Variants in ULK4 observed in about 807,000 individuals in gnomAD.
The protein encoded by ULK4 is inactive serine/threonine-protein kinase ULK4.
A neutral mutation model predicts 160.6 loss-of-function variants in ULK4; 133 were observed. That is an observed-to-expected ratio of 0.83 (90% confidence interval 0.72 to 0.96). The LOEUF is 0.96. Ranked by LOEUF, ULK4 falls within the 40% of genes least tolerant of loss-of-function variation. The pLI is 0.00. For missense variants in ULK4, 1,580 were observed against 1,499.5 expected (o/e 1.05, Z -0.89); for synonymous variants, 534 against 539.8 (o/e 0.99, Z 0.15).
chr3:41,306,619 C>T (rs1200915201), intron 35 of ULK4, among the ~76,000 whole-genome samples: 7 of 151,914 alleles, frequency 4.6e-5, no homozygotes, highest in Non-Finnish European at 1.0e-4. Context: ...AGCCCCTCTG[C>T]CCGGCCACCA....
At chr3:41,406,318 T>C (rs1024693247) in intron 34 of ULK4, among the ~76,000 whole-genome samples, 3 of 152,242 alleles carry the variant, frequency 2.0e-5, no homozygotes, top group Admixed American at 2.0e-4. Context: ...TTCTGTTTCA[T>C]TGGTCTATGT....
At chr3:41,558,324 G>A (rs1327380664) in intron 32 of ULK4, among the ~76,000 whole-genome samples, 3 of 152,070 alleles carry the variant, frequency 2.0e-5, no homozygotes, top group African/African-American at 7.2e-5. Context: ...CAAAACTGTT[G>A]GCAATATTTA....
At chr3:41,960,292 G>A (rs571667158) in intron 1 of ULK4, among the ~76,000 whole-genome samples, 1 of 152,072 alleles carries the variant, frequency 6.6e-6, no homozygotes, top group East Asian at 1.9e-4. Context: ...TAGATAGGGT[G>A]GTTTGTTACT....
chr3:41,774,293 A>G (rs1244556165), intron 21 of ULK4, among the ~76,000 whole-genome samples: 8 of 150,296 alleles, frequency 5.3e-5, no homozygotes, highest in East Asian at 3.9e-4. Flanking sequence ...GCAACCTACA[A>G]AATGGGAGAA....
intron 17 of ULK4, among the ~76,000 whole-genome samples, chr3:41,867,035 A>G (rs1159089311): frequency 6.6e-6 from 1 of 152,222 alleles, no homozygotes; most frequent in Non-Finnish European, 1.5e-5. Flanking sequence ...CAATTTATCA[A>G]TATGAACTAT....
rs531038118 is a variant in ULK4, at chr3:41,824,546, G to A, written c.1765-5040C>T. On this transcript the variant is annotated intron_variant, in intron 18 of 36. Coordinates refer to ENST00000301831, the MANE Select transcript of ULK4 (RefSeq NM_017886.4). ...CCACGCCTGGCTCGGAGGGTCCTAC[G>A]CCCATGAAGCCTCGCTCATTGCTAG... is the stretch of plus-strand genomic sequence containing the variant. 3.3e-4 allele frequency among the ~76,000 whole-genome samples: 51 copies of A among 152,278 alleles called. No homozygotes were observed. The South Asian group carries it at 0.01, about 31-fold the overall frequency.
chr3:41,391,176 A>G (rs1283115761), intron 35 of ULK4, among the ~76,000 whole-genome samples: 5 of 152,054 alleles, frequency 3.3e-5, no homozygotes, highest in Admixed American at 6.6e-5. Flanking sequence ...TAACTTGCAA[A>G]CCCTATGGCA....
intron 27 of ULK4, among the ~76,000 whole-genome samples, chr3:41,697,314 C>CT (rs1475987177): frequency 6.6e-6 from 1 of 152,130 alleles, no homozygotes; most frequent in Non-Finnish European, 1.5e-5. Flanking sequence ...CTATTGCTTA[C>CT]TGACAATGTC....
At chr3:41,552,315 C>T (rs1161515261) in intron 32 of ULK4, among the ~76,000 whole-genome samples, 1 of 151,912 alleles carries the variant, frequency 6.6e-6, no homozygotes, top group African/African-American at 2.4e-5. Context: ...AAGAGGAAGT[C>T]GAATTGTCCC....
At chr3:41,390,006 C>T (rs1033358196) in intron 35 of ULK4, among the ~76,000 whole-genome samples, 2 of 152,106 alleles carry the variant, frequency 1.3e-5, no homozygotes, top group African/African-American at 4.8e-5. Context: ...TGGTCCTGAA[C>T]TCTTTTTGGT....
At chr3:41,744,940 A>G (rs2125885012) in intron 22 of ULK4, among the ~76,000 whole-genome samples, 1 of 151,896 alleles carries the variant, frequency 6.6e-6, no homozygotes, top group African/African-American at 2.4e-5. Flanking sequence ...TGTGGAAATT[A>G]AATAAGACAT....
intron 29 of ULK4, among the ~76,000 whole-genome samples, chr3:41,673,488 A>T (rs2035604904): frequency 6.6e-6 from 1 of 152,176 alleles, no homozygotes; most frequent in Non-Finnish European, 1.5e-5. Flanking sequence ...GATTCTAAAA[A>T]ACAAAGCCTT....
At chr3:41,849,296 T>C (rs1168139856) in intron 17 of ULK4, among the ~76,000 whole-genome samples, 1 of 152,218 alleles carries the variant, frequency 6.6e-6, no homozygotes, top group Non-Finnish European at 1.5e-5. Context: ...ATTGCATCCA[T>C]ATCTTAGGGT....
At chr3:41,442,565 T>C (rs138319974) in intron 34 of ULK4, among the ~76,000 whole-genome samples, 117 of 152,320 alleles carry the variant, frequency 7.7e-4, no homozygotes, top group African/African-American at 2.6e-3. Context: ...GGTTGCTCCA[T>C]GATCTTTAAA....
At chr3:41,357,111 A>G (rs1449806444) in intron 35 of ULK4, among the ~76,000 whole-genome samples, 1 of 152,238 alleles carries the variant, frequency 6.6e-6, no homozygotes, top group Non-Finnish European at 1.5e-5. Flanking sequence ...TTTGGAGATT[A>G]AAGGCAATAA....
chr3:41,299,277 G>C (rs1467502781), intron 35 of ULK4, among the ~76,000 whole-genome samples: 1 of 152,222 alleles, frequency 6.6e-6, no homozygotes. Flanking sequence ...CCAGATATGT[G>C]AGACAGACCA....
chr3:41,619,217 G>A (rs147456039), intron 30 of ULK4, among the ~76,000 whole-genome samples: 9,316 of 151,284 alleles, frequency 0.062, 969 homozygotes, highest in African/African-American at 0.21. Flanking sequence ...TTAGACCAAC[G>A]AGACAAAAAA....
At chr3:41,488,953 G>C (rs1466240313) in intron 32 of ULK4, among the ~76,000 whole-genome samples, 1 of 152,042 alleles carries the variant, frequency 6.6e-6, no homozygotes, top group Admixed American at 6.6e-5. Context: ...CGGAGTAAGA[G>C]AAACTCCTTC....
chr3:41,325,860 A>C (rs2080330824), intron 35 of ULK4, among the ~76,000 whole-genome samples: 1 of 152,082 alleles, frequency 6.6e-6, no homozygotes, highest in Admixed American at 6.5e-5. Context: ...TGGAGGTTGC[A>C]GTGAGCCGAG....
Sources: allele counts gnomAD v4.1 joint callset (sites outside exome capture counted in the v4.1 genomes callset), GRCh38; gene constraint gnomAD v4.1.1; transcripts MANE v1.5; gene names NCBI Gene and HGNC (gene_info 2026-07-23, HGNC 2026-07-21).